Variants in CSMD1 observed in about 807,000 individuals in gnomAD.
CSMD1 encodes the protein CUB and sushi domain-containing protein 1.
In CSMD1, 213 loss-of-function variants were observed where a neutral mutation model predicts 417.5. The observed-to-expected ratio is 0.51, with a 90% CI of 0.46 to 0.57. CSMD1 has a LOEUF of 0.57. Ranked by LOEUF, CSMD1 falls within the 20% of genes least tolerant of loss-of-function variation. CSMD1 has a pLI of 0.00. For synonymous variants in CSMD1, 2,862 were observed against 1,736.8 expected, an observed-to-expected ratio of 1.65 and a Z score of -16.11; for missense variants, 6,923 against 4,529.7, an observed-to-expected ratio of 1.53 and a Z score of -15.17.
In CSMD1 at chr8:4,031,934, G is replaced by T; in HGVS notation, c.581C>A (p.Ser194Ter). The change falls in exon 4 of 70, where the codon TCG becomes TAG. Residue 194 changes from serine to a stop codon, truncating the protein, a stop_gained. Coordinates refer to ENST00000635120, the MANE Select transcript of CSMD1 (RefSeq NM_033225.6). LOFTEE classifies it high-confidence loss of function. Reference sequence around the variant, plus strand: ...GCAAAAGGGAGCTGGGAAGTCCCACGATGCACCATTTCCTGGGCTGACGAT... The same window carrying T: ...GCAAAAGGGAGCTGGGAAGTCCCACTATGCACCATTTCCTGGGCTGACGAT... ...TCIVSPGNGA[S>*]WDFPAPFCRA... is the part of the protein sequence containing the mutation. The T allele has an allele frequency of 6.2e-7, 1 of 1,613,792 alleles. No individual in the cohort carries two copies. The highest frequency in any genetic ancestry group is 1.1e-5 in the South Asian group (1 of 91,066).
At chr8:3,580,564 G>A (rs558721530) in intron 9 of CSMD1, among the ~76,000 whole-genome samples, 155 of 152,266 alleles carry the variant, frequency 1.0e-3, no homozygotes, top group African/African-American at 3.7e-3. Context: ...CTATATTATT[G>A]CCAATAACTT....
chr8:3,266,265 G>C (rs552559724), intron 26 of CSMD1, among the ~76,000 whole-genome samples: 1 of 151,272 alleles, frequency 6.6e-6, no homozygotes, highest in African/African-American at 2.4e-5. Flanking sequence ...AAAGAGGGTT[G>C]TAAGGCGGAA....
chr8:3,615,884 T>C (rs1287779701), intron 8 of CSMD1, among the ~76,000 whole-genome samples: 2 of 152,192 alleles, frequency 1.3e-5, no homozygotes, highest in African/African-American at 4.8e-5. Context: ...AATGTTACAT[T>C]TCTTGAACTC....
intron 5 of CSMD1, among the ~76,000 whole-genome samples, 162 bp from the exon 6 acceptor site, chr8:3,754,204 G>A (rs960524151): frequency 1.3e-5 from 2 of 152,124 alleles, no homozygotes; most frequent in East Asian, 1.9e-4. Context: ...CGATCAAGAT[G>A]ATTTTATCTT....
At chr8:4,519,499 G>C (rs984863058) in intron 2 of CSMD1, among the ~76,000 whole-genome samples, 3 of 151,798 alleles carry the variant, frequency 2.0e-5, no homozygotes, top group Non-Finnish European at 4.4e-5. Flanking sequence ...CAGCACTTTG[G>C]GAGGCCAAGC....
chr8:3,383,773 A>G (rs907453769), intron 18 of CSMD1, among the ~76,000 whole-genome samples: 3 of 152,174 alleles, frequency 2.0e-5, no homozygotes, highest in Non-Finnish European at 4.4e-5. Context: ...GCTTTATAAG[A>G]GATGATACAT....
rs544170213 is a variant in CSMD1, at chr8:3,400,378, TG to T, written c.2267-850del. ...ATACTCCAAGGTGAAAAAATCCTTT[TG>T]GAAAAAATATTTATTTTATTTAAAA... On this transcript the variant is annotated intron_variant, in intron 15 of 69. Coordinates refer to ENST00000635120, the MANE Select transcript of CSMD1 (RefSeq NM_033225.6). 7.1e-4 allele frequency among the ~76,000 whole-genome samples: 108 copies of T among 152,272 alleles called. 3 individuals are homozygous for T. In the South Asian group the frequency reaches 0.022, roughly 31 times the overall value.
rs575755784 is a variant in CSMD1 at position 4,038,043 on chromosome 8, G to A, written c.416-5944C>T. Among the ~76,000 whole-genome samples, 4 of 152,144 alleles carry A rather than the reference G, an allele frequency of 2.6e-5. No individual in the cohort carries two copies. The East Asian group carries it at 5.8e-4, about 22-fold the overall frequency. The stretch of plus-strand genomic sequence containing the variant: ...TGGTAAAAAGTGTAAATAAGTATCA[G>A]AGGCTTAAAATTAATTCAAAAAGTT... On this transcript the variant is annotated intron_variant, in intron 3 of 69. Transcript: ENST00000635120.
At chr8:3,320,623 T>G (rs545125299) in intron 23 of CSMD1, among the ~76,000 whole-genome samples, 1 of 152,142 alleles carries the variant, frequency 6.6e-6, no homozygotes, top group Non-Finnish European at 1.5e-5. Context: ...TCCAGAGAAG[T>G]GACAGCCTCA....
chr8:4,797,962 G>C (rs1798069132), intron 1 of CSMD1, among the ~76,000 whole-genome samples: 3 of 152,186 alleles, frequency 2.0e-5, no homozygotes, highest in South Asian at 4.1e-4. Flanking sequence ...CTAGACTACA[G>C]TTTTCCCAAA....
chr8:3,246,905 C>CT (rs935366198), intron 26 of CSMD1, among the ~76,000 whole-genome samples: 20 of 152,290 alleles, frequency 1.3e-4, no homozygotes, highest in South Asian at 1.0e-3. Flanking sequence ...TTCTTTCTCT[C>CT]TTTTTTTGCT....
At chr8:4,769,560 C>T (rs1205062419) in intron 1 of CSMD1, among the ~76,000 whole-genome samples, 1 of 152,100 alleles carries the variant, frequency 6.6e-6, no homozygotes, top group Non-Finnish European at 1.5e-5. Context: ...CACCAAACAG[C>T]AATTTTGCCA....
intron 1 of CSMD1, among the ~76,000 whole-genome samples, chr8:4,953,890 G>C (rs1268673952): frequency 1.3e-5 from 2 of 152,020 alleles, no homozygotes; most frequent in African/African-American, 4.8e-5. Flanking sequence ...TTAGAGATTG[G>C]ACTACCCAGG....
intron 1 of CSMD1, among the ~76,000 whole-genome samples, chr8:4,924,722 C>G (rs574036901): frequency 0.01 from 646 of 62,590 alleles, 2 homozygotes; most frequent in African/African-American, 0.015. Flanking sequence ...AACTCCATCT[C>G]AAAAAAAAAA....
At chr8:4,307,703 C>T (rs534413723) in intron 3 of CSMD1, among the ~76,000 whole-genome samples, 15 of 152,198 alleles carry the variant, frequency 9.9e-5, no homozygotes, top group Admixed American at 2.0e-4. Flanking sequence ...ACGAACAGCA[C>T]GATGCTCTTG....
chr8:3,409,366 C>T, intron 13 of CSMD1, 57 bp downstream of exon 13: 1 of 1,428,780 alleles, frequency 7.0e-7, no homozygotes, highest in African/African-American at 1.4e-5. Flanking sequence ...CTCCTTTTCT[C>T]CCCTTGCAAG....
Position 3,670,188 on chromosome 8 carries a change from T to C in CSMD1, c.1009+38226A>G, listed in dbSNP as rs373860351. Among the ~76,000 whole-genome samples the C allele has an allele frequency of 3.3e-5, 5 of 151,952 alleles. No homozygotes were observed. The East Asian group carries it at 7.8e-4, about 24-fold the overall frequency. Reference sequence around the variant, plus strand: ...TGGATCAGGGAAGGCAGACTTACACTTAATCTGGGTGGGTACCCTCTAATC... The same window carrying C: ...TGGATCAGGGAAGGCAGACTTACACCTAATCTGGGTGGGTACCCTCTAATC... On this transcript the variant is annotated intron_variant, in intron 7 of 69. Transcript: ENST00000635120.
Position 4,184,399 on chromosome 8 carries a change from C to G in CSMD1, c.416-152300G>C, listed in dbSNP as rs1403233461. Among the ~76,000 whole-genome samples, 4 of 152,250 alleles carry G rather than the reference C, an allele frequency of 2.6e-5. No homozygotes were observed. In the East Asian group the frequency reaches 7.7e-4, roughly 29 times the overall value. ...ACTAGCTATTTCCAATTCTAATAATCTGGAGCATATGAGGATGTTCCTTGC... is the reference window on the plus strand; with the variant it reads ...ACTAGCTATTTCCAATTCTAATAATGTGGAGCATATGAGGATGTTCCTTGC... On this transcript the variant is annotated intron_variant, in intron 3 of 69. Transcript: ENST00000635120.
intron 3 of CSMD1, among the ~76,000 whole-genome samples, chr8:4,392,483 T>G (rs1342314899): frequency 6.6e-6 from 1 of 152,102 alleles, no homozygotes; most frequent in Admixed American, 6.6e-5. Flanking sequence ...CAAACACTCC[T>G]GAGCCAAAGA....
Sources: gnomAD v4.1 joint callset for allele counts (sites outside exome capture counted in the v4.1 genomes callset) on GRCh38, gnomAD v4.1.1 for gene constraint, MANE v1.5 for transcripts, NCBI Gene and HGNC (gene_info 2026-07-23, HGNC 2026-07-21) for gene names.